RAI1: variants seen among roughly 807,000 people sequenced by gnomAD.
RAI1 encodes retinoic acid-induced protein 1.
A neutral mutation model predicts 123.8 loss-of-function variants in RAI1; 9 were observed. The observed-to-expected ratio is 0.07, with a 90% CI of 0.04 to 0.13. RAI1 has a LOEUF of 0.13. Among genes scored for constraint, RAI1 ranks in the 10% least tolerant of loss-of-function variants. The pLI, the probability that RAI1 is intolerant of heterozygous loss-of-function variation, is 1.00. For missense variants in RAI1, 2,256 were observed against 2,545.8 expected (o/e 0.89, Z 2.45); for synonymous variants, 1,231 against 1,127.3 (o/e 1.09, Z -1.84).
At chr17:17,699,640 G>GGA (rs1567830009) in intron 1 of RAI1, among the ~76,000 whole-genome samples, 1 of 138,436 alleles carries the variant, frequency 7.2e-6, no homozygotes, top group African/African-American at 2.6e-5. Context: ...GGGGGGGGGG[G>GGA]AATCAAATGA....
In RAI1 at chr17:17,793,707, C is replaced by T; in HGVS notation, c.759C>T (p.Ala253=). The T allele has an allele frequency of 1.9e-6, 3 of 1,613,064 alleles. No homozygotes were observed. The highest frequency in any genetic ancestry group is 2.5e-6 in the Non-Finnish European group (3 of 1,180,034). ...AGCCCCATGACAGGCCGCTGACTGCCAGCTCCAGCCTGGCCCCGGGGCAGC... is the reference window on the plus strand; with the variant it reads ...AGCCCCATGACAGGCCGCTGACTGCTAGCTCCAGCCTGGCCCCGGGGCAGC... ...TAQPHDRPLT[A]SSSLAPGQRV... is the part of the protein sequence containing the mutation. The change falls in exon 3 of 6, where the codon GCC becomes GCT. Residue 253 remains alanine (A), a synonymous_variant. Transcript: ENST00000353383.
intron 2 of RAI1, among the ~76,000 whole-genome samples, chr17:17,751,910 C>G (rs1280232626): frequency 2.6e-5 from 4 of 152,230 alleles, no homozygotes; most frequent in African/African-American, 9.7e-5. Context: ...TGCCTCCCTT[C>G]CGTGCGTCTC....
rs1010886861 is a variant in RAI1, at chr17:17,795,537, G to C, written c.2589G>C (p.Glu863Asp). 9 of 1,603,126 alleles carry C rather than the reference G, an allele frequency of 5.6e-6. No individual in the cohort carries two copies. Among genetic ancestry groups the C allele is most frequent in the Admixed American group, 1.7e-5 (1 of 58,200 alleles). Reference sequence around the variant, plus strand: ...TGCTGCCACCCACCAGCAGGAAGGAGGACCTGGAAGCTGAGGAGGAGTACT... The same window carrying C: ...TGCTGCCACCCACCAGCAGGAAGGACGACCTGGAAGCTGAGGAGGAGTACT... ...LPLLPPTSRK[E>D]DLEAEEEYSS... Residue 863 changes from glutamate to aspartate, a missense_variant, in exon 3 of 6, where the codon GAG becomes GAC. Physicochemically the swap from Glu to Asp is conservative, Grantham distance 45. Around this residue, in one of 7 missense-constraint regions of RAI1, gnomAD observed 566 missense variants for 616.0 expected, o/e 0.92. Transcript: ENST00000353383. This position sits in a 1 kb window ranked among gnomAD's most constrained non-coding sequence, Gnocchi z 5.9.
chr17:17,726,905 A>G (rs1916109111), intron 2 of RAI1, among the ~76,000 whole-genome samples: 1 of 152,134 alleles, frequency 6.6e-6, no homozygotes, highest in Non-Finnish European at 1.5e-5. Context: ...GCATAATGTG[A>G]GCCTTTTCCT....
intron 2 of RAI1, among the ~76,000 whole-genome samples, chr17:17,773,462 A>G (rs1272316008): frequency 6.6e-6 from 1 of 152,136 alleles, no homozygotes; most frequent in African/African-American, 2.4e-5. Context: ...CAGGTAGCAG[A>G]CTGGGAACCA....
At chr17:17,808,403 T>C (rs1647729591) in intron 4 of RAI1, among the ~76,000 whole-genome samples, 1 of 103,060 alleles carries the variant, frequency 9.7e-6, no homozygotes, top group Non-Finnish European at 1.7e-5. Context: ...TATTTTATTT[T>C]ATTTTATTTT....
chr17:17,809,207 C>A lies in RAI1; in HGVS notation c.5660-183C>A. The A allele has an allele frequency of 1.4e-6, 1 of 708,048 alleles. No individual in the cohort carries two copies. The highest frequency in any genetic ancestry group is 2.6e-6 in the Non-Finnish European group (1 of 389,782). 43.9% of individuals were successfully genotyped at this position (708,048 alleles called of 1,614,324 possible). ...AAGACTGCCAGGCCAGGGGCCGCAC[C>A]CGCGCCGTGGAGTGGAGTGGAGTGT... On this transcript the variant is annotated intron_variant, in intron 4 of 5. Coordinates refer to ENST00000353383, the MANE Select transcript of RAI1 (RefSeq NM_030665.4). This position sits in a 1 kb window ranked among gnomAD's most constrained non-coding sequence, Gnocchi z 4.9.
chr17:17,797,500 C>T lies in RAI1; in HGVS notation c.4552C>T (p.Pro1518Ser), dbSNP rs749913250. The T allele has an allele frequency of 8.7e-6, 14 of 1,613,418 alleles. No individual in the cohort carries two copies. The highest frequency in any genetic ancestry group is 3.3e-5 in the South Asian group (3 of 91,040). Residue 1518 changes from proline to serine, a missense_variant, in exon 3 of 6, where the codon CCC becomes TCC. Pro to Ser is a moderately conservative substitution (Grantham distance 74, BLOSUM62 -1). Coordinates refer to ENST00000353383, the MANE Select transcript of RAI1 (RefSeq NM_030665.4). The part of the protein sequence containing the change: ...SQPPEGRPCQ[P>S]QTRAQKQPGH... ...GCCCCCGGAGGGCAGGCCCTGCCAG[C>T]CCCAGACAAGGGCACAGAAACAGCC...
At chr17:17,741,115 GCGCACGCA>G (rs1225644742) in intron 2 of RAI1, among the ~76,000 whole-genome samples, 1 of 149,382 alleles carries the variant, frequency 6.7e-6, no homozygotes, top group Non-Finnish European at 1.5e-5. Context: ...ACACACACTC[GCGCACGCA>G]CACACGCACG....
chr17:17,683,601 C>T (rs528458732), intron 1 of RAI1: 3 of 152,336 alleles, frequency 2.0e-5, no homozygotes, highest in Admixed American at 6.5e-5. Flanking sequence ...TTGCGTGACA[C>T]AGAAGTGGAC....
Position 17,788,416 on chromosome 17 carries a change from G to A in RAI1, c.-16-4517G>A, listed in dbSNP as rs114013612. Reference sequence around the variant, plus strand: ...TACGATAGCAGTGAATCTGGCGAACGATTTCTCATTTTCACCAAGTCTCCT... The same window carrying A: ...TACGATAGCAGTGAATCTGGCGAACAATTTCTCATTTTCACCAAGTCTCCT... On this transcript the variant is annotated intron_variant, in intron 2 of 5. Coordinates refer to ENST00000353383, the MANE Select transcript of RAI1 (RefSeq NM_030665.4). Among the ~76,000 whole-genome samples the A allele has an allele frequency of 3.2e-3, 485 of 152,214 alleles. 7 individuals carry two copies. The highest frequency in any genetic ancestry group is 0.03 in the East Asian group (153 of 5,180).
intron 1 of RAI1, among the ~76,000 whole-genome samples, chr17:17,719,351 A>G (rs1428661959): frequency 6.6e-6 from 1 of 152,002 alleles, no homozygotes; most frequent in African/African-American, 2.4e-5. Context: ...AGCCACACTA[A>G]CCTCTTGGCC....
chr17:17,799,181 T>C lies in RAI1; in HGVS notation c.5565+668T>C, dbSNP rs1193369894. Among the ~76,000 whole-genome samples, 1 of 152,200 alleles carries C rather than the reference T, an allele frequency of 6.6e-6. No individual in the cohort carries two copies. The highest frequency in any genetic ancestry group is 1.5e-5 in the Non-Finnish European group (1 of 68,026). ...AGGGAACTCTGGGGCTGTGCCGCCA[T>C]GCACCTTTGGGGCTGTGACCTGCCC... On this transcript the variant is annotated intron_variant, in intron 3 of 5. Transcript: ENST00000353383. This position sits in a 1 kb window ranked among gnomAD's most constrained non-coding sequence, Gnocchi z 4.5.
intron 1 of RAI1, among the ~76,000 whole-genome samples, chr17:17,720,879 T>C (rs9904351): frequency 0.66 from 101,025 of 151,940 alleles, 34,563 homozygotes; most frequent in African/African-American, 0.79. Context: ...TGAATCAAGA[T>C]CCCTCCGTAC....
In RAI1 at chr17:17,794,268, A is replaced by G; in HGVS notation, c.1320A>G (p.Ser440=). The change falls in exon 3 of 6, where the codon TCA becomes TCG. Residue 440 remains serine, a synonymous_variant. Transcript: ENST00000353383. ...TGCAGAGCCTCACGGCGCTGACCTCACAGGTGGAGAACATCTCCAACACCG... is the reference window on the plus strand; with the variant it reads ...TGCAGAGCCTCACGGCGCTGACCTCGCAGGTGGAGAACATCTCCAACACCG... ...LSLQSLTALT[S]QVENISNTVQ... 1 of 1,613,278 alleles carries G rather than the reference A, an allele frequency of 6.2e-7. No individual in the cohort carries two copies. The highest frequency in any genetic ancestry group is 8.5e-7 in the Non-Finnish European group (1 of 1,180,032).
intron 3 of RAI1, among the ~76,000 whole-genome samples, chr17:17,803,370 A>G (rs8081943): frequency 0.031 from 4,656 of 151,774 alleles, 246 homozygotes; most frequent in African/African-American, 0.1. Flanking sequence ...CAGCCTGTAC[A>G]GGTTTTTTGT....
At chr17:17,707,756 C>T (rs1352710191) in intron 1 of RAI1, among the ~76,000 whole-genome samples, 1 of 152,186 alleles carries the variant, frequency 6.6e-6, no homozygotes, top group South Asian at 2.1e-4. Context: ...CCATGCCCTA[C>T]TAATTTTTTG....
chr17:17,694,724 G>C (rs993278824), intron 1 of RAI1, among the ~76,000 whole-genome samples: 2 of 150,758 alleles, frequency 1.3e-5, no homozygotes, highest in African/African-American at 4.8e-5. Context: ...CCGGGAGGGG[G>C]CCCGGGACCT....
At chr17:17,743,588 G>T (rs1381699202) in intron 2 of RAI1, among the ~76,000 whole-genome samples, 2 of 152,260 alleles carry the variant, frequency 1.3e-5, no homozygotes, top group Admixed American at 6.5e-5. Flanking sequence ...TCCAGGACAT[G>T]TGCGCAGCAG....
Sources: gnomAD v4.1 joint callset for allele counts (sites outside exome capture counted in the v4.1 genomes callset) on GRCh38, gnomAD v4.1.1 for gene constraint, gnomAD v4.1.1 regional missense constraint, Gnocchi (gnomAD v3.1) non-coding constraint, MANE v1.5 for transcripts, NCBI Gene and HGNC (gene_info 2026-07-23, HGNC 2026-07-21) for gene names.